COPA: variants seen among roughly 807,000 people sequenced by gnomAD.
COPA encodes coat protein complex I subunit alpha, also known as coatomer subunit alpha.
Under a neutral mutation model 158.7 loss-of-function variants are expected in COPA, and 10 were observed. The ratio of observed to expected loss-of-function variants is 0.06; its 90% confidence interval spans 0.04 to 0.11. COPA has a LOEUF of 0.11. Among genes scored for constraint, COPA ranks in the 10% least tolerant of loss-of-function variants. COPA has a pLI of 1.00. For missense variants in COPA, 1,065 were observed against 1,536.7 expected (o/e 0.69, Z 5.13); for synonymous variants, 462 against 542.8 (o/e 0.85, Z 2.07).
chr1:160,312,405 G>A (rs1463777657), intron 10 of COPA, among the ~76,000 whole-genome samples: 1 of 152,122 alleles, frequency 6.6e-6, no homozygotes, highest in South Asian at 2.1e-4. Flanking sequence ...CATATAAAAA[G>A]AGTATAAGAA....
chr1:160,334,425 A>G (rs1647668716), intron 4 of COPA, among the ~76,000 whole-genome samples: 1 of 152,214 alleles, frequency 6.6e-6, no homozygotes, highest in Non-Finnish European at 1.5e-5. Context: ...GTCTTCAGGA[A>G]GTCCTTTATG....
At position 160,307,217 on chromosome 1, in the gene COPA, C is replaced by G. The variant is rs780611487; in HGVS notation, c.1248G>C (p.Leu416=). ...GATTTCGAGCGACCCAAACGGCTGT[C>G]AGGCCTGAGGATCGTTTCCCTTCAG... ...DAPEGKRSSG[L]TAVWVARNRF... The change falls in exon 14 of 33, where the codon CTG becomes CTC. Residue 416 remains leucine, a synonymous_variant. Coordinates refer to ENST00000241704, the MANE Select transcript of COPA (RefSeq NM_004371.4). 1.1e-5 allele frequency: 18 copies of G among 1,614,092 alleles called. No individual in the cohort carries two copies. The South Asian group carries it at 2.0e-4, about 18-fold the overall frequency.
At chr1:160,318,473 AAAAAAAAAAAAAAAAAAAC>A (rs1484820305) in intron 8 of COPA, among the ~76,000 whole-genome samples, 1,119 of 82,694 alleles carry the variant, frequency 0.014, 24 homozygotes, top group African/African-American at 0.055. Context: ...ATTTGTAAAA[AAAAAAAAAAAAAAAAAAAC>A]AAAAAAAAAA....
At chr1:160,337,770 C>T (rs1011902399) in intron 3 of COPA, among the ~76,000 whole-genome samples, 1 of 150,924 alleles carries the variant, frequency 6.6e-6, no homozygotes, top group African/African-American at 2.4e-5. Flanking sequence ...CCAAAAAAAC[C>T]CACCAAATGA....
At chr1:160,291,190 G>C (rs773571974) in intron 31 of COPA, 145 bp downstream of exon 31, 58 of 906,900 alleles carry the variant, frequency 6.4e-5, no homozygotes, top group Non-Finnish European at 8.6e-5. Flanking sequence ...ACCAAGTCAG[G>C]AAGTAAACAG....
In COPA at chr1:160,297,095, C is replaced by T. The variant is rs192763021; in HGVS notation, c.2263+248G>A. Among the ~76,000 whole-genome samples, 3 of 152,262 alleles carry T rather than the reference C, an allele frequency of 2.0e-5. No individual in the cohort carries two copies. The East Asian group carries it at 5.8e-4, about 29-fold the overall frequency. ...ATTTACTAGGGCGTCCACTCAAGAC[C>T]TTTTAAAACCTCCTATCTCCCCCAT... On this transcript the variant is annotated intron_variant, in intron 21 of 32. Transcript: ENST00000241704.
chr1:160,307,335 G>T (rs1658824161), intron 13 of COPA, 90 bp from the exon 14 acceptor site: 6 of 1,243,462 alleles, frequency 4.8e-6, no homozygotes, highest in South Asian at 3.6e-5. Flanking sequence ...AGTCTTGCTG[G>T]ATGCCATCTT....
chr1:160,289,740 G>A lies in COPA; in HGVS notation c.*417C>T, dbSNP rs1375967586. On this transcript the variant is annotated 3_prime_UTR_variant, in exon 33 of 33. Coordinates refer to ENST00000241704, the MANE Select transcript of COPA (RefSeq NM_004371.4). ...TGAGCAGCTGGGACTATAGGCGCAT[G>A]CTACCATGCCAGGCTAATTTTTATA... 1 of 156,138 alleles carries A rather than the reference G, an allele frequency of 6.4e-6. No individual in the cohort carries two copies. The highest frequency in any genetic ancestry group is 1.4e-5 in the Non-Finnish European group (1 of 70,844). 9.7% of individuals were successfully genotyped at this position (156,138 alleles called of 1,614,324 possible).
In COPA at chr1:160,289,792, T is replaced by C. The variant is rs189630787; in HGVS notation, c.*365A>G. On this transcript the variant is annotated 3_prime_UTR_variant, in exon 33 of 33. Transcript: ENST00000241704. ...TTTTATTAGAGACGGGGTGTTGCCA[T>C]GTTGGCCAGGCAGGTCTCGAACTCC... 21 of 169,522 alleles carry C rather than the reference T, an allele frequency of 1.2e-4. No homozygotes were observed. Among genetic ancestry groups the C allele is most frequent in the East Asian group, 9.6e-4 (6 of 6,242 alleles). 10.5% of individuals were successfully genotyped at this position (169,522 alleles called of 1,614,324 possible). A position where few individuals can be genotyped will look rare whatever the true frequency, so the allele number is the denominator to read the frequency against.
rs1453217124 is a variant in COPA at position 160,312,035 on chromosome 1, G to A, written c.926-17C>T. On this transcript the variant is annotated splice_polypyrimidine_tract_variant and intron_variant, in intron 10 of 32. Transcript: ENST00000241704. The stretch of plus-strand genomic sequence containing the variant: ...CATCATGGCCTGGGGGACAGGGAGA[G>A]GAGGAGAAAAAATTAAGCTGTAGGC... The A allele has an allele frequency of 1.9e-6, 3 of 1,607,556 alleles. No homozygotes were observed. The highest frequency in any genetic ancestry group is 2.6e-6 in the Non-Finnish European group (3 of 1,176,314).
chr1:160,327,020 T>C (rs1001093700), intron 6 of COPA, among the ~76,000 whole-genome samples: 9 of 152,218 alleles, frequency 5.9e-5, no homozygotes, highest in African/African-American at 2.2e-4. Flanking sequence ...ACTTTGTGGT[T>C]TTCAGAGAGT....
In COPA at chr1:160,299,707, T is replaced by C. The variant is rs148406537; in HGVS notation, c.1668-443A>G. ...AATTGAAGTTTGTCAATATAGCTAA[T>C]GCAACATTTAACAGATAATTTACAG... On this transcript the variant is annotated intron_variant, in intron 17 of 32. Coordinates refer to ENST00000241704, the MANE Select transcript of COPA (RefSeq NM_004371.4). 5.2e-3 allele frequency among the ~76,000 whole-genome samples: 786 copies of C among 152,314 alleles called. 5 individuals are homozygous for C. The highest frequency in any genetic ancestry group is 0.02 in the Middle Eastern group (6 of 294).
chr1:160,291,690 C>G (rs1485788346), intron 30 of COPA, 129 bp downstream of exon 30: 2 of 1,124,786 alleles, frequency 1.8e-6, no homozygotes, highest in East Asian at 4.7e-5. Context: ...ATCCTCCCCT[C>G]ATAGAAATGA....
rs377356479 is a variant in COPA, at chr1:160,343,191, A to G, written c.-21T>C. ...AACATCTCTCAGGTCTCCGACTCCGATGTCTTAATCCGAGCCCCGACACAC... is the reference window on the plus strand; with the variant it reads ...AACATCTCTCAGGTCTCCGACTCCGGTGTCTTAATCCGAGCCCCGACACAC... On this transcript the variant is annotated 5_prime_UTR_variant, in exon 1 of 33. Transcript: ENST00000241704. The G allele has an allele frequency of 6.2e-7, 1 of 1,613,820 alleles. No individual in the cohort carries two copies. Among genetic ancestry groups the G allele is most frequent in the African/African-American group, 1.3e-5 (1 of 74,834 alleles).
intron 25 of COPA, 100 bp from the exon 26 acceptor site, chr1:160,293,563 C>T (rs1206420102): frequency 9.1e-6 from 8 of 881,662 alleles, no homozygotes; most frequent in Non-Finnish European, 6.8e-6. Flanking sequence ...GGCATGATCT[C>T]GGCACACTGC....
At chr1:160,309,298 C>T in intron 12 of COPA, 122 bp from the exon 13 acceptor site, 1 of 738,760 alleles carries the variant, frequency 1.4e-6, no homozygotes, top group Non-Finnish European at 2.3e-6. Flanking sequence ...CCATACTTTT[C>T]TTACCCTTCA....
chr1:160,314,995 G>A (rs1417234025), intron 8 of COPA, among the ~76,000 whole-genome samples: 1 of 152,118 alleles, frequency 6.6e-6, no homozygotes, highest in East Asian at 1.9e-4. Flanking sequence ...ATAGAAGCAA[G>A]CTGGCTTCAC....
chr1:160,296,786 C>T (rs762345981), intron 21 of COPA, among the ~76,000 whole-genome samples: 4 of 152,202 alleles, frequency 2.6e-5, no homozygotes, highest in African/African-American at 4.8e-5. Flanking sequence ...ATATCCCTGA[C>T]TCCTCTCTGT....
intron 4 of COPA, among the ~76,000 whole-genome samples, chr1:160,334,404 T>C (rs1173538527): frequency 6.6e-6 from 1 of 152,194 alleles, no homozygotes; most frequent in Non-Finnish European, 1.5e-5. Flanking sequence ...GGCAACTTGT[T>C]CTAGGCAAGG....
Sources: allele counts gnomAD v4.1 joint callset (sites outside exome capture counted in the v4.1 genomes callset), GRCh38; gene constraint gnomAD v4.1.1; transcripts MANE v1.5; gene names NCBI Gene and HGNC (gene_info 2026-07-23, HGNC 2026-07-21).